Variants in TTLL11 observed in about 807,000 individuals in gnomAD.
TTLL11 encodes tubulin polyglutamylase TTLL11.
TTLL11 carries 42 observed loss-of-function variants against 51.7 expected under a neutral mutation model. That is an observed-to-expected ratio of 0.81 (90% confidence interval 0.64 to 1.05). The LOEUF is 1.05. Among genes scored for constraint, TTLL11 ranks in the 50% least tolerant of loss-of-function variants. The pLI is 0.00. For synonymous variants in TTLL11, 381 were observed against 383.5 expected (o/e 0.99, Z 0.08); for missense variants, 799 against 940.4 (o/e 0.85, Z 1.97).
chr9:122,000,701 T>C (rs1007888725), intron 3 of TTLL11, among the ~76,000 whole-genome samples: 10 of 152,192 alleles, frequency 6.6e-5, no homozygotes, highest in Non-Finnish European at 1.5e-4. Flanking sequence ...TTGTTTAGCA[T>C]GTCATCAAGA....
rs574864826 is a variant in TTLL11 at position 121,997,016 on chromosome 9, C to T, written c.694-7246G>A. On this transcript the variant is annotated intron_variant, in intron 3 of 8. Transcript: ENST00000321582. ...CTGTGGAGGTGGACACAGCATCACA[C>T]GGCTGCTCAAGGCAGCTGGTGCTTC... Among the ~76,000 whole-genome samples, 12 of 152,274 alleles carry T rather than the reference C, an allele frequency of 7.9e-5. No individual in the cohort carries two copies. In the East Asian group the frequency reaches 1.2e-3, roughly 15 times the overall value.
chr9:122,023,041 A>G (rs1006011987), intron 3 of TTLL11, among the ~76,000 whole-genome samples: 1 of 151,966 alleles, frequency 6.6e-6, no homozygotes, highest in Non-Finnish European at 1.5e-5. Flanking sequence ...GGAAATCAAT[A>G]AAACTGAAAA....
chr9:122,071,342 T>C (rs532575601), intron 1 of TTLL11, among the ~76,000 whole-genome samples: 1 of 152,310 alleles, frequency 6.6e-6, no homozygotes, highest in South Asian at 2.1e-4. Flanking sequence ...GCAATGAGAA[T>C]GCGAGCCGCA....
At chr9:121,984,442 T>C (rs1286376716) in intron 4 of TTLL11, among the ~76,000 whole-genome samples, 2 of 152,188 alleles carry the variant, frequency 1.3e-5, no homozygotes, top group Non-Finnish European at 1.5e-5. Flanking sequence ...ACAATAATTC[T>C]GAGAGGGAGG....
intron 8 of TTLL11, among the ~76,000 whole-genome samples, chr9:121,849,588 G>A (rs2131366503): frequency 6.6e-6 from 1 of 152,170 alleles, no homozygotes; most frequent in South Asian, 2.1e-4. Context: ...ATGGGCAAAA[G>A]AGCTGAACAG....
intron 3 of TTLL11, among the ~76,000 whole-genome samples, chr9:122,008,056 T>C (rs980031176): frequency 1.2e-4 from 19 of 152,160 alleles, no homozygotes; most frequent in African/African-American, 4.3e-4. Flanking sequence ...CTGGATCTAA[T>C]ACTGAGGAAA....
intron 3 of TTLL11, among the ~76,000 whole-genome samples, chr9:122,001,629 A>G (rs1253376231): frequency 1.3e-5 from 2 of 152,146 alleles, no homozygotes; most frequent in Admixed American, 1.3e-4. Context: ...GATCAGGTTC[A>G]CAAGCCCAGG....
intron 3 of TTLL11, among the ~76,000 whole-genome samples, chr9:122,024,040 A>C (rs73662569): frequency 6.6e-6 from 1 of 152,142 alleles, no homozygotes; most frequent in Non-Finnish European, 1.5e-5. Flanking sequence ...GTAATAGTCC[A>C]TATAGAAAAT....
intron 8 of TTLL11, among the ~76,000 whole-genome samples, chr9:121,825,540 G>A (rs1179697102): frequency 1.3e-5 from 2 of 152,170 alleles, no homozygotes; most frequent in Non-Finnish European, 2.9e-5. Flanking sequence ...TCTGGCTCAG[G>A]CGTCTTGTCC....
At chr9:121,889,164 A>G (rs1031081158) in intron 6 of TTLL11, among the ~76,000 whole-genome samples, 4 of 152,162 alleles carry the variant, frequency 2.6e-5, no homozygotes, top group African/African-American at 9.7e-5. Flanking sequence ...TCTCTACTTT[A>G]CAGACGGGGA....
chr9:121,930,797 G>A (rs978079554), intron 6 of TTLL11, among the ~76,000 whole-genome samples: 3 of 152,228 alleles, frequency 2.0e-5, no homozygotes, highest in African/African-American at 4.8e-5. Flanking sequence ...GCCTCACAGG[G>A]CAGTTGTGAG....
At position 122,093,181 on chromosome 9, in the gene TTLL11, C is replaced by T. The variant is rs1249078627; in HGVS notation, c.-33G>A. ...AGGGCCGGGGCCAGTGCCAGTGCCA[C>T]CGCCGCCGCCGCCGCCGCTCCGCCG... On this transcript the variant is annotated 5_prime_UTR_variant, in exon 1 of 9. In the 5' UTR this introduces an upstream ATG that the reference lacks. Transcript: ENST00000321582. 36 of 1,365,382 alleles carry T rather than the reference C, an allele frequency of 2.6e-5. No individual in the cohort carries two copies. The highest frequency in any genetic ancestry group is 3.4e-5 in the Non-Finnish European group (35 of 1,037,410). The allele number at this position is 1,365,382 out of a possible 1,614,324, so 84.6% of individuals were successfully genotyped here.
In TTLL11 at chr9:121,893,051, CATA is replaced by C. The variant is rs544916160; in HGVS notation, c.1482-22306_1482-22304del. Among the ~76,000 whole-genome samples the C allele has an allele frequency of 3.9e-5, 6 of 152,276 alleles. No individual in the cohort carries two copies. In the East Asian group the frequency reaches 1.2e-3, roughly 29 times the overall value. ...ATTAGTTCTAAGTATTATTATTAGG[CATA>C]ATAACTAATTAGTAAAAATAGCTAC... is the stretch of plus-strand genomic sequence containing the variant. On this transcript the variant is annotated intron_variant, in intron 6 of 8. Coordinates refer to ENST00000321582, the MANE Select transcript of TTLL11 (RefSeq NM_001139442.2).
chr9:121,899,795 T>C (rs2131471611), intron 6 of TTLL11, among the ~76,000 whole-genome samples: 1 of 152,334 alleles, frequency 6.6e-6, no homozygotes, highest in African/African-American at 2.4e-5. Flanking sequence ...TTTGGGTTTT[T>C]GTCTGTTTCA....
At chr9:122,040,280 G>T in intron 1 of TTLL11, 1 of 895,016 alleles carries the variant, frequency 1.1e-6, no homozygotes, top group Non-Finnish European at 1.3e-6. Context: ...CTGTAAGATA[G>T]CCTTGTATCC....
At chr9:122,083,298 A>G (rs766840629) in intron 1 of TTLL11, among the ~76,000 whole-genome samples, 3 of 152,046 alleles carry the variant, frequency 2.0e-5, no homozygotes, top group Non-Finnish European at 2.9e-5. Context: ...TCACCACCAC[A>G]TGCTCTTTCC....
intron 3 of TTLL11, among the ~76,000 whole-genome samples, chr9:122,012,530 G>A (rs760270643): frequency 6.6e-5 from 10 of 152,078 alleles, no homozygotes; most frequent in Admixed American, 6.6e-5. Context: ...AAGGTAGCAA[G>A]ATTGTAATAC....
intron 6 of TTLL11, among the ~76,000 whole-genome samples, chr9:121,899,486 C>T (rs1393589507): frequency 6.6e-6 from 1 of 151,530 alleles, no homozygotes; most frequent in Admixed American, 6.6e-5. Context: ...TCACTGCGGC[C>T]TTGAATGCCT....
At chr9:121,945,022 T>C (rs1841613325) in intron 6 of TTLL11, among the ~76,000 whole-genome samples, 1 of 152,228 alleles carries the variant, frequency 6.6e-6, no homozygotes, top group Non-Finnish European at 1.5e-5. Flanking sequence ...GTTTCTTCAC[T>C]AAATAAACTA....
Sources: allele counts gnomAD v4.1 joint callset (sites outside exome capture counted in the v4.1 genomes callset), GRCh38; gene constraint gnomAD v4.1.1; transcripts MANE v1.5; gene names NCBI Gene and HGNC (gene_info 2026-07-23, HGNC 2026-07-21).